ADGRL3: variants seen among roughly 807,000 people sequenced by gnomAD.
ADGRL3 encodes calcium-independent alpha-latrotoxin receptor 3.
In ADGRL3, 62 loss-of-function variants were observed where a neutral mutation model predicts 153.5. The observed-to-expected ratio is 0.40, with a 90% CI of 0.33 to 0.50. The LOEUF (loss-of-function observed/expected upper bound fraction) is 0.50. Ranked by LOEUF, ADGRL3 falls within the 20% of genes least tolerant of loss-of-function variation. The pLI is 0.47. For synonymous variants in ADGRL3, 710 were observed against 672.5 expected (o/e 1.06, Z -0.86); for missense variants, 1,641 against 1,859.4 (o/e 0.88, Z 2.16).
At chr4:61,217,096 G>C (rs1743141777) in intron 1 of ADGRL3, among the ~76,000 whole-genome samples, 1 of 152,204 alleles carries the variant, frequency 6.6e-6, no homozygotes, top group Non-Finnish European at 1.5e-5. Context: ...GCAGGGTGCA[G>C]GGGATATGGA....
intron 8 of ADGRL3, among the ~76,000 whole-genome samples, chr4:61,751,409 C>G (rs1459602317): frequency 6.6e-6 from 1 of 152,084 alleles, no homozygotes; most frequent in Non-Finnish European, 1.5e-5. Context: ...CTATTAGGTA[C>G]AGAGAAGGGA....
intron 6 of ADGRL3, among the ~76,000 whole-genome samples, chr4:61,715,648 T>A (rs2096093035): frequency 6.6e-6 from 1 of 152,172 alleles, no homozygotes; most frequent in African/African-American, 2.4e-5. Flanking sequence ...AGTGATATTT[T>A]GCACTTGTGG....
At chr4:61,503,884 G>A (rs572509830) in intron 3 of ADGRL3, among the ~76,000 whole-genome samples, 1 of 152,010 alleles carries the variant, frequency 6.6e-6, no homozygotes, top group Admixed American at 6.5e-5. Context: ...TTTGTTTTGG[G>A]AATGTTTCAG....
At chr4:61,358,364 A>G (rs532878415) in intron 1 of ADGRL3, among the ~76,000 whole-genome samples, 126 of 152,108 alleles carry the variant, frequency 8.3e-4, no homozygotes, top group African/African-American at 2.9e-3. Context: ...TTGGGAGGCC[A>G]AGGTGGGCGG....
intron 1 of ADGRL3, among the ~76,000 whole-genome samples, chr4:61,322,247 C>T (rs2095372654): frequency 6.6e-6 from 1 of 152,196 alleles, no homozygotes; most frequent in East Asian, 1.9e-4. Context: ...TCAGTCATCT[C>T]CCAACGGGTC....
chr4:61,551,020 G>C (rs2098737851), intron 4 of ADGRL3, among the ~76,000 whole-genome samples: 1 of 152,054 alleles, frequency 6.6e-6, no homozygotes, highest in Admixed American at 6.6e-5. Context: ...TTAGGCACTT[G>C]TAAATTTTTA....
At chr4:61,511,916 C>T (rs1430906638) in intron 3 of ADGRL3, among the ~76,000 whole-genome samples, 4 of 152,084 alleles carry the variant, frequency 2.6e-5, no homozygotes, top group Non-Finnish European at 4.4e-5. Flanking sequence ...ACTACCCAGC[C>T]TATAAAGAAA....
At chr4:61,661,548 T>C (rs1471408057) in intron 5 of ADGRL3, among the ~76,000 whole-genome samples, 3 of 152,066 alleles carry the variant, frequency 2.0e-5, no homozygotes, top group Admixed American at 1.3e-4. Flanking sequence ...ATTTTCATTG[T>C]GTGGTTGTGC....
At chr4:61,936,964 T>TA (rs1320912271) in intron 15 of ADGRL3, among the ~76,000 whole-genome samples, 2 of 152,168 alleles carry the variant, frequency 1.3e-5, no homozygotes, top group African/African-American at 4.8e-5. Flanking sequence ...AAAAACAACT[T>TA]ACATTTGTTG....
At chr4:61,456,990 T>A (rs2097762908) in intron 2 of ADGRL3, among the ~76,000 whole-genome samples, 1 of 152,024 alleles carries the variant, frequency 6.6e-6, no homozygotes, top group Non-Finnish European at 1.5e-5. Flanking sequence ...AATGTATACT[T>A]ATGATAGTTT....
At chr4:61,393,606 AT>A (rs2096837834) in intron 2 of ADGRL3, among the ~76,000 whole-genome samples, 1 of 151,942 alleles carries the variant, frequency 6.6e-6, no homozygotes, top group East Asian at 1.9e-4. Context: ...ATAAATTATC[AT>A]TTTTTTCAGG....
intron 2 of ADGRL3, among the ~76,000 whole-genome samples, chr4:61,446,535 T>C (rs1022577186): frequency 2.6e-5 from 4 of 152,202 alleles, no homozygotes; most frequent in African/African-American, 9.6e-5. Context: ...TACCTTCTAC[T>C]ACATCTACAT....
At chr4:61,621,790 T>C (rs2092534801) in intron 5 of ADGRL3, among the ~76,000 whole-genome samples, 1 of 152,156 alleles carries the variant, frequency 6.6e-6, no homozygotes, top group Non-Finnish European at 1.5e-5. Context: ...TCCTTTGTGG[T>C]TTTAATTTTT....
At chr4:61,481,944 G>GT (rs1265282507) in intron 2 of ADGRL3, among the ~76,000 whole-genome samples, 4 of 151,640 alleles carry the variant, frequency 2.6e-5, no homozygotes, top group African/African-American at 7.3e-5. Context: ...GCAAAAATAC[G>GT]TTTTTTTCCT....
chr4:61,423,960 GTGAA>G (rs1474149269), intron 2 of ADGRL3, among the ~76,000 whole-genome samples: 1 of 152,080 alleles, frequency 6.6e-6, no homozygotes, highest in East Asian at 1.9e-4. Context: ...GCCAATAAGG[GTGAA>G]TGTTAATGAG....
intron 25 of ADGRL3, among the ~76,000 whole-genome samples, chr4:62,060,108 A>G (rs1342244633): frequency 6.6e-6 from 1 of 152,054 alleles, no homozygotes; most frequent in East Asian, 1.9e-4. Context: ...CACAGAAACC[A>G]GAAAGTTGAG....
chr4:61,831,087 C>A (rs1245160502), intron 9 of ADGRL3, among the ~76,000 whole-genome samples: 5 of 151,674 alleles, frequency 3.3e-5, no homozygotes, highest in Non-Finnish European at 7.4e-5. Flanking sequence ...CAGGATTTCA[C>A]CGTGTTGGCC....
intron 1 of ADGRL3, among the ~76,000 whole-genome samples, chr4:61,339,716 G>C (rs562547957): frequency 6.6e-6 from 1 of 152,160 alleles, no homozygotes; most frequent in African/African-American, 2.4e-5. Flanking sequence ...TAGCTACATA[G>C]CCTTGTAACT....
intron 2 of ADGRL3, among the ~76,000 whole-genome samples, chr4:61,401,073 T>C (rs1455692789): frequency 4.0e-5 from 6 of 151,770 alleles, no homozygotes; most frequent in Non-Finnish European, 5.9e-5. Flanking sequence ...TTCTTTTTTT[T>C]TTTAAAAAAA....
Sources: gnomAD v4.1 joint callset for allele counts (sites outside exome capture counted in the v4.1 genomes callset) on GRCh38, gnomAD v4.1.1 for gene constraint, MANE v1.5 for transcripts, NCBI Gene and HGNC (gene_info 2026-07-23, HGNC 2026-07-21) for gene names.